GPC5: variants seen among roughly 807,000 people sequenced by gnomAD.
GPC5 encodes glypican-5.
GPC5 carries 47 observed loss-of-function variants against 53.9 expected under a neutral mutation model. The observed-to-expected ratio is 0.87, with a 90% CI of 0.69 to 1.11. GPC5 has a LOEUF of 1.11. Among genes scored for constraint, GPC5 ranks in the 50% most tolerant of loss-of-function variants. GPC5 has a pLI of 0.00. For synonymous variants in GPC5, 286 were observed against 263.3 expected, an observed-to-expected ratio of 1.09 and a Z score of -0.84; for missense variants, 748 against 713.1, an observed-to-expected ratio of 1.05 and a Z score of -0.56.
At chr13:92,352,259 T>C (rs2043484546) in intron 7 of GPC5, among the ~76,000 whole-genome samples, 1 of 152,062 alleles carries the variant, frequency 6.6e-6, no homozygotes, top group Non-Finnish European at 1.5e-5. Context: ...CACAAAAAAT[T>C]AATCATTTAT....
chr13:92,154,212 C>G (rs192664203), intron 7 of GPC5, among the ~76,000 whole-genome samples: 33 of 152,216 alleles, frequency 2.2e-4, no homozygotes, highest in African/African-American at 7.0e-4. Flanking sequence ...AGAATTTACT[C>G]ATTATCATAT....
At chr13:91,665,038 AAGC>A (rs1398871891) in intron 2 of GPC5, among the ~76,000 whole-genome samples, 1 of 152,258 alleles carries the variant, frequency 6.6e-6, no homozygotes, top group African/African-American at 2.4e-5. Context: ...GAAACAAAGA[AAGC>A]AGTGGTTTCA....
At chr13:92,764,431 C>T (rs1264575246) in intron 7 of GPC5, among the ~76,000 whole-genome samples, 1 of 152,212 alleles carries the variant, frequency 6.6e-6, no homozygotes, top group Non-Finnish European at 1.5e-5. Flanking sequence ...TCAGTTCCCT[C>T]TTAGGAGGAA....
chr13:92,174,177 A>G (rs925303872), intron 7 of GPC5, among the ~76,000 whole-genome samples: 1 of 148,502 alleles, frequency 6.7e-6, no homozygotes, highest in Non-Finnish European at 1.5e-5. Context: ...TTACGTCATT[A>G]AAAAAATATG....
In GPC5 at chr13:91,727,959, T is replaced by C. The variant is rs573608451; in HGVS notation, c.1021-573T>C. 1.5e-3 allele frequency among the ~76,000 whole-genome samples: 224 copies of C among 152,256 alleles called. 1 individual carries two copies. The highest frequency in any genetic ancestry group is 5.1e-3 in the African/African-American group (214 of 41,570). ...TACATTTTTCAATGGGGATAAATTA[T>C]TTTTTAAAAAACACTGTAATAACAC... On this transcript the variant is annotated intron_variant, in intron 3 of 7. Coordinates refer to ENST00000377067, the MANE Select transcript of GPC5 (RefSeq NM_004466.6).
chr13:91,780,784 T>C (rs1471187968), intron 5 of GPC5, among the ~76,000 whole-genome samples: 1 of 152,254 alleles, frequency 6.6e-6, no homozygotes, highest in Non-Finnish European at 1.5e-5. Flanking sequence ...AAATGTATTA[T>C]GTTTATAATT....
At chr13:92,377,442 A>G (rs2043704111) in intron 7 of GPC5, among the ~76,000 whole-genome samples, 1 of 152,170 alleles carries the variant, frequency 6.6e-6, no homozygotes, top group Admixed American at 6.5e-5. Flanking sequence ...GGAATAAATT[A>G]ATTGTCTCTG....
intron 6 of GPC5, among the ~76,000 whole-genome samples, chr13:92,142,947 T>G (rs1287835629): frequency 6.6e-6 from 1 of 152,200 alleles, no homozygotes; most frequent in Non-Finnish European, 1.5e-5. Context: ...AACTAATTCT[T>G]TCAATTAATG....
intron 7 of GPC5, among the ~76,000 whole-genome samples, chr13:92,406,109 C>A (rs1211620118): frequency 6.6e-6 from 1 of 152,136 alleles, no homozygotes; most frequent in East Asian, 1.9e-4. Context: ...TGCACTGATG[C>A]CATGCAAACC....
At chr13:92,589,495 C>A (rs1369734341) in intron 7 of GPC5, among the ~76,000 whole-genome samples, 1 of 152,126 alleles carries the variant, frequency 6.6e-6, no homozygotes, top group Non-Finnish European at 1.5e-5. Context: ...CTGATCAAAT[C>A]ATGATTTCTT....
At chr13:91,761,349 G>A (rs1353534032) in intron 5 of GPC5, among the ~76,000 whole-genome samples, 1 of 152,068 alleles carries the variant, frequency 6.6e-6, no homozygotes. Context: ...CGGAACTTCT[G>A]TGACCAAAAT....
chr13:92,470,077 A>G (rs908659148), intron 7 of GPC5, among the ~76,000 whole-genome samples: 12 of 152,266 alleles, frequency 7.9e-5, no homozygotes, highest in African/African-American at 2.9e-4. Flanking sequence ...CAATTTTTAA[A>G]AGGTAATTTT....
chr13:92,252,829 CA>C (rs2042701742), intron 7 of GPC5, among the ~76,000 whole-genome samples: 1 of 152,072 alleles, frequency 6.6e-6, no homozygotes, highest in African/African-American at 2.4e-5. Flanking sequence ...TTACAAATGT[CA>C]TTTTCTCTGG....
At chr13:92,119,527 G>T (rs1397443223) in intron 6 of GPC5, among the ~76,000 whole-genome samples, 2 of 142,666 alleles carry the variant, frequency 1.4e-5, no homozygotes, top group Non-Finnish European at 3.0e-5. Context: ...AGCCTCCCAC[G>T]TAGCTGGGAC....
At chr13:91,971,219 A>G (rs530957720) in intron 6 of GPC5, among the ~76,000 whole-genome samples, 9 of 152,138 alleles carry the variant, frequency 5.9e-5, no homozygotes, top group East Asian at 5.8e-4. Context: ...CGAGGAATTT[A>G]TCCATTTCTT....
chr13:92,158,192 C>G (rs965641066), intron 7 of GPC5, among the ~76,000 whole-genome samples: 6 of 152,130 alleles, frequency 3.9e-5, no homozygotes, highest in African/African-American at 1.4e-4. Flanking sequence ...CAGGGAAGCT[C>G]AATGTTTGCA....
At chr13:92,808,856 A>G in intron 7 of GPC5, among the ~76,000 whole-genome samples, 1 of 152,106 alleles carries the variant, frequency 6.6e-6, no homozygotes, top group East Asian at 1.9e-4. Flanking sequence ...TGCCCCTGAA[A>G]TTGTTATCTA....
intron 7 of GPC5, among the ~76,000 whole-genome samples, chr13:92,547,259 AAAT>A (rs896746406): frequency 6.6e-6 from 1 of 152,184 alleles, no homozygotes; most frequent in Non-Finnish European, 1.5e-5. Context: ...ATATGGCCTA[AAAT>A]AATAATAAAC....
chr13:92,625,098 G>GTGTCGT (rs1176946998), intron 7 of GPC5, among the ~76,000 whole-genome samples: 5 of 152,216 alleles, frequency 3.3e-5, no homozygotes, highest in African/African-American at 1.2e-4. Context: ...CTGAGATTCT[G>GTGTCGT]TGTCAGTGTG....
Sources: allele counts gnomAD v4.1 joint callset (sites outside exome capture counted in the v4.1 genomes callset), GRCh38; gene constraint gnomAD v4.1.1; transcripts MANE v1.5; gene names NCBI Gene and HGNC (gene_info 2026-07-23, HGNC 2026-07-21).